NFAT5: variants seen among roughly 807,000 people sequenced by gnomAD.
The protein encoded by NFAT5 is nuclear factor of activated T-cells 5.
A neutral mutation model predicts 166.5 loss-of-function variants in NFAT5; 31 were observed. The observed-to-expected ratio is 0.19, with a 90% CI of 0.14 to 0.25. The LOEUF is 0.25. NFAT5 is among the 10% of genes least tolerant of loss of function. NFAT5 has a pLI of 1.00. For synonymous variants in NFAT5, 612 were observed against 639.7 expected (o/e 0.96, Z 0.65); for missense variants, 1,449 against 1,821.8 (o/e 0.80, Z 3.72).
intron 2 of NFAT5, among the ~76,000 whole-genome samples, chr16:69,599,198 C>A (rs1197282424): frequency 2.3e-5 from 3 of 128,844 alleles, no homozygotes; most frequent in Non-Finnish European, 4.7e-5. Flanking sequence ...GTAATGACTA[C>A]ATAACTTTGG....
chr16:69,578,857 T>G (rs1230665587), intron 2 of NFAT5, among the ~76,000 whole-genome samples: 1 of 151,890 alleles, frequency 6.6e-6, no homozygotes, highest in African/African-American at 2.4e-5. Context: ...AGAAACACTA[T>G]AAAAGTTGCA....
In NFAT5 at chr16:69,697,852, A is replaced by C. The variant is rs993119482; in HGVS notation, c.*1501A>C. 7 of 152,428 alleles carry C rather than the reference A, an allele frequency of 4.6e-5. No homozygotes were observed. Among genetic ancestry groups the C allele is most frequent in the African/African-American group, 1.7e-4 (7 of 41,388 alleles). The allele number at this position is 152,428 out of a possible 1,614,324, so 9.4% of individuals were successfully genotyped here. A position where few individuals can be genotyped will look rare whatever the true frequency, so the allele number is the denominator to read the frequency against. On this transcript the variant is annotated 3_prime_UTR_variant, in exon 15 of 15. Transcript: ENST00000349945. ...GTGTGTGTGGCTTCTATGTGTTGAGATAATGTTTTGGTATCCTTGTCCGTT... is the reference window on the plus strand; with the variant it reads ...GTGTGTGTGGCTTCTATGTGTTGAGCTAATGTTTTGGTATCCTTGTCCGTT...
chr16:69,603,074 A>T (rs1050835867), intron 2 of NFAT5, among the ~76,000 whole-genome samples: 2 of 152,194 alleles, frequency 1.3e-5, no homozygotes, highest in African/African-American at 4.8e-5. Context: ...TTAAAGAAAC[A>T]TATCAAATTA....
rs748392099 is a variant in NFAT5 at position 69,693,865 on chromosome 16, G to A, written c.4040G>A (p.Ser1347Asn). ...GAGCAACAGCCCATGCAATTTCAGAGTCAGTCCACAGTTTCCTCACTTCAG... is the reference window on the plus strand; with the variant it reads ...GAGCAACAGCCCATGCAATTTCAGAATCAGTCCACAGTTTCCTCACTTCAG... ...NQEQQPMQFQ[S>N]QSTVSSLQNP... Residue 1347 changes from serine to asparagine, a missense_variant, in exon 13 of 15, where the codon AGT (serine) becomes AAT (asparagine). Ser to Asn is a conservative substitution (Grantham distance 46). This residue lies in a region of NFAT5 where 891 missense variants were observed against 993.0 expected (regional missense o/e 0.90). Coordinates refer to ENST00000349945, the MANE Select transcript of NFAT5 (RefSeq NM_138713.4). 8.7e-6 allele frequency: 14 copies of A among 1,614,054 alleles called. No individual in the cohort carries two copies. In the Admixed American group the frequency reaches 1.0e-4, roughly 12 times the overall value.
At chr16:69,666,310 A>G (rs539820126) in intron 7 of NFAT5, among the ~76,000 whole-genome samples, 45 of 152,126 alleles carry the variant, frequency 3.0e-4, no homozygotes, top group African/African-American at 1.1e-3. Context: ...CAAAGCCAAA[A>G]TTGACAAATG....
intron 2 of NFAT5, among the ~76,000 whole-genome samples, chr16:69,625,235 A>G (rs2151578739): frequency 6.6e-6 from 1 of 152,156 alleles, no homozygotes; most frequent in Non-Finnish European, 1.5e-5. Context: ...TCTAACATGG[A>G]TTCTACTACC....
chr16:69,607,500 A>G (rs574796414), intron 2 of NFAT5, among the ~76,000 whole-genome samples: 1 of 152,366 alleles, frequency 6.6e-6, no homozygotes, highest in Admixed American at 6.5e-5. Flanking sequence ...TGTGCTTTTA[A>G]CAATGATATT....
chr16:69,643,729 CCAA>C (rs2035317161), intron 3 of NFAT5, among the ~76,000 whole-genome samples: 1 of 151,992 alleles, frequency 6.6e-6, no homozygotes, highest in Non-Finnish European at 1.5e-5. Context: ...CAAATACATA[CCAA>C]ATTTTTGGCT....
intron 7 of NFAT5, among the ~76,000 whole-genome samples, chr16:69,664,805 A>G (rs562615601): frequency 1.3e-5 from 2 of 152,248 alleles, no homozygotes; most frequent in South Asian, 2.1e-4. Context: ...AGGTGGGCCC[A>G]TTACCTGAGG....
chr16:69,593,941 C>G (rs183393340), intron 2 of NFAT5, among the ~76,000 whole-genome samples: 19 of 152,244 alleles, frequency 1.2e-4, no homozygotes, highest in African/African-American at 4.6e-4. Context: ...GTTCATTAAC[C>G]TAGTAGGGCT....
At chr16:69,652,230 T>C (rs893963382) in intron 4 of NFAT5, among the ~76,000 whole-genome samples, 1 of 151,858 alleles carries the variant, frequency 6.6e-6, no homozygotes, top group African/African-American at 2.4e-5. Flanking sequence ...GGCGGGAGGA[T>C]CACCTGAGGT....
intron 11 of NFAT5, among the ~76,000 whole-genome samples, chr16:69,689,140 G>T (rs1249089923): frequency 1.3e-5 from 2 of 152,134 alleles, no homozygotes; most frequent in Non-Finnish European, 2.9e-5. Context: ...AGTCAGGCAT[G>T]GTGGTGTGTG....
chr16:69,667,199 C>A (rs1415986883), intron 7 of NFAT5, among the ~76,000 whole-genome samples: 1 of 149,266 alleles, frequency 6.7e-6, no homozygotes, highest in Non-Finnish European at 1.5e-5. Context: ...GGAGGGATAG[C>A]ACTGGGAGAT....
At chr16:69,657,374 C>A (rs2035925687) in intron 6 of NFAT5, among the ~76,000 whole-genome samples, 1 of 151,774 alleles carries the variant, frequency 6.6e-6, no homozygotes, top group South Asian at 2.1e-4. Flanking sequence ...AAATGATCCG[C>A]CCACCTCAGG....
At chr16:69,605,161 C>T (rs113257268) in intron 2 of NFAT5, among the ~76,000 whole-genome samples, 5,495 of 152,106 alleles carry the variant, frequency 0.036, 313 homozygotes, top group African/African-American at 0.12. Flanking sequence ...AAGTGGAGGC[C>T]GGGTGTGGTG....
chr16:69,695,266 G>T lies in NFAT5; in HGVS notation c.4545G>T (p.Glu1515Asp), dbSNP rs745971118. ...CACTTCTTTCTCAGCAAATGCCAGA[G>T]AATTCTCCACTGGCATCCTCTATAA... is the stretch of plus-strand genomic sequence containing the variant. ...VTTLLSQQMP[E>D]NSPLASSINT... The change falls in exon 14 of 15, where the codon GAG (glutamate) becomes GAT (aspartate). Residue 1515 changes from glutamate to aspartate, a missense_variant. Coordinates refer to ENST00000349945, the MANE Select transcript of NFAT5 (RefSeq NM_138713.4). 5.6e-6 allele frequency: 9 copies of T among 1,614,034 alleles called. No individual in the cohort carries two copies. Among genetic ancestry groups the T allele is most frequent in the African/African-American group, 2.7e-5 (2 of 74,912 alleles).
At chr16:69,634,423 CTG>C (rs2034863967) in intron 3 of NFAT5, among the ~76,000 whole-genome samples, 1 of 151,718 alleles carries the variant, frequency 6.6e-6, no homozygotes, top group Admixed American at 6.6e-5. Context: ...GTCCAATAAA[CTG>C]TACTCTTAAA....
chr16:69,688,226 ACC>A (rs1567609446), intron 11 of NFAT5, among the ~76,000 whole-genome samples: 26 of 142,498 alleles, frequency 1.8e-4, no homozygotes, highest in African/African-American at 5.8e-4. Flanking sequence ...AAAAAAAAAA[ACC>A]AGGAGTTTGA....
chr16:69,600,156 A>G (rs1245251676), intron 2 of NFAT5, among the ~76,000 whole-genome samples: 1 of 152,148 alleles, frequency 6.6e-6, no homozygotes, highest in Non-Finnish European at 1.5e-5. Context: ...CTGGGAAAAA[A>G]AAAAAAACAA....
Sources: gnomAD v4.1 joint callset for allele counts (sites outside exome capture counted in the v4.1 genomes callset) on GRCh38, gnomAD v4.1.1 for gene constraint, gnomAD v4.1.1 regional missense constraint, MANE v1.5 for transcripts, NCBI Gene and HGNC (gene_info 2026-07-23, HGNC 2026-07-21) for gene names.